The following ACYP2 variants were observed in gnomAD, a reference collection of about 807,000 sequenced individuals.
The protein encoded by ACYP2 is acylphosphatase-2.
Under a neutral mutation model 11.2 loss-of-function variants are expected in ACYP2, and 12 were observed. That is an observed-to-expected ratio of 1.08 (90% CI 0.69 to 1.74). ACYP2 has a LOEUF of 1.74. ACYP2 is among the 40% of genes most tolerant of loss of function. ACYP2 has a pLI of 0.00. For missense variants in ACYP2, 134 were observed against 101.9 expected (o/e 1.31, Z -1.35); for synonymous variants, 43 against 32.2 (o/e 1.33, Z -1.13).
At chr2:54,226,050 A>G (rs962743444) in intron 6 of ACYP2, among the ~76,000 whole-genome samples, 2 of 152,162 alleles carry the variant, frequency 1.3e-5, no homozygotes, top group African/African-American at 4.8e-5. Flanking sequence ...ATTTAGAGAA[A>G]AATATGGAAA....
At chr2:54,044,307 A>T (rs72906721) in intron 2 of ACYP2, among the ~76,000 whole-genome samples, 81 of 152,272 alleles carry the variant, frequency 5.3e-4, no homozygotes, top group African/African-American at 1.8e-3. Flanking sequence ...TCAAAAGAAG[A>T]TCTACGGCTG....
chr2:53,972,254 G>A (rs982336530), intron 1 of ACYP2, among the ~76,000 whole-genome samples: 3 of 150,082 alleles, frequency 2.0e-5, no homozygotes, highest in African/African-American at 5.0e-5. Flanking sequence ...AGGTTGCAGT[G>A]AGCCAAGATC....
At chr2:53,974,188 A>G (rs1019385393) in intron 2 of ACYP2, among the ~76,000 whole-genome samples, 5 of 151,990 alleles carry the variant, frequency 3.3e-5, no homozygotes, top group African/African-American at 7.3e-5. Flanking sequence ...TGTTGGGATT[A>G]CAGGCTTGAG....
intron 6 of ACYP2, among the ~76,000 whole-genome samples, chr2:54,151,290 C>A (rs1682157583): frequency 6.6e-6 from 1 of 152,106 alleles, no homozygotes; most frequent in Non-Finnish European, 1.5e-5. Context: ...ATTTTGTGAA[C>A]AATTAGGTGG....
At chr2:54,024,366 A>C (rs1674164575) in intron 2 of ACYP2, among the ~76,000 whole-genome samples, 1 of 152,182 alleles carries the variant, frequency 6.6e-6, no homozygotes, top group Non-Finnish European at 1.5e-5. Flanking sequence ...ACTCTGTCAC[A>C]CACACAAAAA....
intron 2 of ACYP2, among the ~76,000 whole-genome samples, chr2:54,024,715 A>C (rs529451718): frequency 2.0e-5 from 3 of 152,210 alleles, no homozygotes; most frequent in Non-Finnish European, 4.4e-5. Context: ...TCTATTCAAC[A>C]TAGTACTGGA....
At chr2:54,025,384 C>T (rs1426177059) in intron 2 of ACYP2, among the ~76,000 whole-genome samples, 1 of 152,136 alleles carries the variant, frequency 6.6e-6, no homozygotes, top group Non-Finnish European at 1.5e-5. Context: ...AAAATAGGCA[C>T]ATAGACCAGC....
At chr2:54,180,358 C>T (rs1438577735) in intron 6 of ACYP2, among the ~76,000 whole-genome samples, 4 of 151,908 alleles carry the variant, frequency 2.6e-5, no homozygotes, top group South Asian at 2.1e-4. Context: ...TGGAGGTTAG[C>T]GGGTGGGGCT....
At chr2:54,260,089 C>G (rs1687713942) in intron 6 of ACYP2, among the ~76,000 whole-genome samples, 1 of 151,952 alleles carries the variant, frequency 6.6e-6, no homozygotes, top group South Asian at 2.1e-4. Flanking sequence ...GAATCTAGTA[C>G]CTAAGTGGAG....
intron 6 of ACYP2, among the ~76,000 whole-genome samples, chr2:54,266,796 A>G (rs916449275): frequency 2.3e-4 from 35 of 151,572 alleles, no homozygotes; most frequent in African/African-American, 7.8e-4. Flanking sequence ...TTTTTAGTAC[A>G]GACGGGGTTT....
chr2:54,061,743 A>G (rs1676479275), intron 4 of ACYP2, among the ~76,000 whole-genome samples: 1 of 152,152 alleles, frequency 6.6e-6, no homozygotes, highest in African/African-American at 2.4e-5. Context: ...AATACAACAC[A>G]TTTATTTTCT....
chr2:54,055,175 T>G (rs1334460463), intron 3 of ACYP2, among the ~76,000 whole-genome samples: 1 of 152,174 alleles, frequency 6.6e-6, no homozygotes, highest in African/African-American at 2.4e-5. Context: ...TAGCTGGGAC[T>G]ACAGGTGTGC....
At chr2:54,225,594 C>T (rs1355920110) in intron 6 of ACYP2, among the ~76,000 whole-genome samples, 2 of 152,080 alleles carry the variant, frequency 1.3e-5, no homozygotes, top group Admixed American at 1.3e-4. Flanking sequence ...TCTAGTGGTG[C>T]AACACTAACT....
intron 4 of ACYP2, among the ~76,000 whole-genome samples, chr2:54,096,731 G>T (rs1425087188): frequency 2.0e-5 from 3 of 152,228 alleles, no homozygotes; most frequent in Non-Finnish European, 4.4e-5. Context: ...CACTCGGCAG[G>T]CTGAGGCAGG....
At chr2:54,104,270 A>G (rs548233489) in intron 4 of ACYP2, among the ~76,000 whole-genome samples, 106 of 152,306 alleles carry the variant, frequency 7.0e-4, no homozygotes, top group Admixed American at 1.5e-3. Flanking sequence ...TCAAGATAGG[A>G]TGAGAAAAGA....
intron 6 of ACYP2, among the ~76,000 whole-genome samples, chr2:54,303,241 C>G (rs1419822461): frequency 6.6e-6 from 1 of 152,042 alleles, no homozygotes; most frequent in Non-Finnish European, 1.5e-5. Context: ...GTCCCAGCTA[C>G]CTGGGGTACT....
intron 6 of ACYP2, among the ~76,000 whole-genome samples, chr2:54,231,930 G>A (rs1686254063): frequency 1.3e-5 from 2 of 152,136 alleles, no homozygotes; most frequent in Admixed American, 1.3e-4. Context: ...ATCCTTTCAG[G>A]AAATTTTGGT....
chr2:54,155,358 G>A (rs1009039829), intron 6 of ACYP2, among the ~76,000 whole-genome samples: 1 of 150,912 alleles, frequency 6.6e-6, no homozygotes, highest in African/African-American at 2.4e-5. Flanking sequence ...TTCTTTTTCT[G>A]CTTCCTTGAG....
At chr2:54,109,780 A>T (rs1455481701) in intron 4 of ACYP2, among the ~76,000 whole-genome samples, 2 of 152,174 alleles carry the variant, frequency 1.3e-5, no homozygotes, top group Non-Finnish European at 2.9e-5. Flanking sequence ...CCCCACATTC[A>T]GTTACCCTAT....
Sources: gnomAD v4.1 joint callset for allele counts (sites outside exome capture counted in the v4.1 genomes callset) on GRCh38, gnomAD v4.1.1 for gene constraint, MANE v1.5 for transcripts, NCBI Gene and HGNC (gene_info 2026-07-23, HGNC 2026-07-21) for gene names.